Variants in NFIB observed in about 807,000 individuals in gnomAD.
NFIB encodes nuclear factor I B, also known as nuclear factor 1 B-type.
Under a neutral mutation model 61.5 loss-of-function variants are expected in NFIB, and 11 were observed. That is an observed-to-expected ratio of 0.18 (90% CI 0.11 to 0.30). The LOEUF (loss-of-function observed/expected upper bound fraction) is 0.30, where lower values mean the gene tolerates loss of function less well. Ranked by LOEUF, NFIB falls within the 10% of genes least tolerant of loss-of-function variation. The pLI is 1.00. For missense variants in NFIB, 471 were observed against 608.9 expected, an observed-to-expected ratio of 0.77 and a Z score of 2.38; for synonymous variants, 260 against 216.5, an observed-to-expected ratio of 1.20 and a Z score of -1.76.
At chr9:14,276,976 T>C (rs912193765) in intron 2 of NFIB, among the ~76,000 whole-genome samples, 6 of 152,108 alleles carry the variant, frequency 3.9e-5, no homozygotes, top group Non-Finnish European at 1.5e-5. Flanking sequence ...AATTTCTTCA[T>C]GGTGCTACGA....
In NFIB at chr9:14,313,412, T is replaced by A; in HGVS notation, c.30+70A>T. 1 of 1,607,862 alleles carries A rather than the reference T, an allele frequency of 6.2e-7. No homozygotes were observed. The highest frequency in any genetic ancestry group is 8.5e-7 in the Non-Finnish European group (1 of 1,175,584). ...GGAGGTTAACTCAAGCCGCTAATTGTCCGCAACAAAACAAAACAAAGGCAT... is the reference window on the plus strand; with the variant it reads ...GGAGGTTAACTCAAGCCGCTAATTGACCGCAACAAAACAAAACAAAGGCAT... On this transcript the variant is annotated intron_variant, in intron 1 of 10. Coordinates refer to ENST00000380953, the MANE Select transcript of NFIB (RefSeq NM_001190737.2). This position sits in a 1 kb window ranked among gnomAD's most constrained non-coding sequence, Gnocchi z 4.5.
chr9:14,531,807 G>A, the NFIB span: 1 of 152,164 alleles, frequency 6.6e-6, no homozygotes, highest in African/African-American at 2.4e-5. Context: ...GCACCCCAGG[G>A]TCCCAAAACT....
intron 2 of NFIB, among the ~76,000 whole-genome samples, chr9:14,269,594 C>T (rs2057453507): frequency 6.6e-6 from 1 of 152,218 alleles, no homozygotes. Flanking sequence ...CAGCAATGCA[C>T]TGCACACATA....
intron 1 of NFIB, among the ~76,000 whole-genome samples, chr9:14,382,896 A>G (rs368758012): frequency 1.2e-4 from 19 of 152,306 alleles, no homozygotes; most frequent in African/African-American, 4.1e-4. Context: ...GCTTTTGCAG[A>G]AAAAACCATC....
chr9:14,159,960 T>C (rs1301294839), intron 3 of NFIB, among the ~76,000 whole-genome samples: 1 of 152,192 alleles, frequency 6.6e-6, no homozygotes, highest in African/African-American at 2.4e-5. Context: ...GAGACATTCA[T>C]ATAGTAAATT....
the NFIB span, among the ~76,000 whole-genome samples, chr9:14,493,253 T>C: frequency 0.15 from 22,191 of 152,210 alleles, 2,098 homozygotes; most frequent in Middle Eastern, 0.26. Flanking sequence ...TCAGGAGATA[T>C]TGTCATGATT....
the NFIB span, among the ~76,000 whole-genome samples, chr9:14,441,612 C>A: frequency 6.6e-6 from 1 of 151,416 alleles, no homozygotes; most frequent in Non-Finnish European, 1.5e-5. Context: ...TTTTTTCCTG[C>A]CTGTCATCTA....
At chr9:14,094,568 T>G (rs1289578183) in intron 10 of NFIB, 1 of 152,498 alleles carries the variant, frequency 6.6e-6, no homozygotes, top group African/African-American at 2.4e-5. Context: ...CCTCTTTGCA[T>G]GCAAGATGAT....
At chr9:14,521,756 A>C in the NFIB span, among the ~76,000 whole-genome samples, 1 of 152,230 alleles carries the variant, frequency 6.6e-6, no homozygotes, top group African/African-American at 2.4e-5. Context: ...TTACATTAGC[A>C]ATCACTCAGT....
intron 1 of NFIB, chr9:14,321,794 G>T: frequency 2.0e-6 from 2 of 1,023,840 alleles, no homozygotes; most frequent in Non-Finnish European, 2.5e-6. Context: ...CCCACAACCT[G>T]TAAAACAAAA....
chr9:14,435,372 A>G, the NFIB span, among the ~76,000 whole-genome samples: 2 of 152,270 alleles, frequency 1.3e-5, no homozygotes, highest in African/African-American at 4.8e-5. Context: ...AGATCAACTC[A>G]TAGCATACAA....
At chr9:14,244,714 G>C (rs940850192) in intron 2 of NFIB, among the ~76,000 whole-genome samples, 9 of 152,054 alleles carry the variant, frequency 5.9e-5, no homozygotes, top group African/African-American at 2.2e-4. Context: ...AAAGATAATA[G>C]GCTCAAAGTT....
the NFIB span, among the ~76,000 whole-genome samples, chr9:14,414,797 G>A: frequency 6.1e-4 from 93 of 152,088 alleles, no homozygotes; most frequent in African/African-American, 2.4e-4. Context: ...ATATTTACAA[G>A]TATATAAATA....
chr9:14,163,791 G>A (rs1204430779), intron 3 of NFIB, among the ~76,000 whole-genome samples: 4 of 151,626 alleles, frequency 2.6e-5, no homozygotes, highest in African/African-American at 9.7e-5. Flanking sequence ...TAAAAACATC[G>A]ATCATGTTTT....
At chr9:14,102,138 T>A (rs971642424) in intron 10 of NFIB, among the ~76,000 whole-genome samples, 2 of 152,138 alleles carry the variant, frequency 1.3e-5, no homozygotes, top group Non-Finnish European at 2.9e-5. Flanking sequence ...AAAATCTAAA[T>A]GTCACATTCC....
At chr9:14,207,519 C>T (rs1041349507) in intron 2 of NFIB, among the ~76,000 whole-genome samples, 3 of 152,210 alleles carry the variant, frequency 2.0e-5, no homozygotes, top group African/African-American at 7.2e-5. Context: ...AGGACTAAGT[C>T]AGTGCATGCT....
At chr9:14,463,133 CAT>C in the NFIB span, among the ~76,000 whole-genome samples, 2 of 119,478 alleles carry the variant, frequency 1.7e-5, no homozygotes, top group Non-Finnish European at 3.4e-5. Flanking sequence ...ATAATTAAAT[CAT>C]AAAATAATTA....
At chr9:14,495,404 C>T in the NFIB span, among the ~76,000 whole-genome samples, 5 of 150,240 alleles carry the variant, frequency 3.3e-5, no homozygotes, top group Admixed American at 3.3e-4. Flanking sequence ...CGTGCTTTTG[C>T]CATCACCACA....
intron 9 of NFIB, among the ~76,000 whole-genome samples, chr9:14,114,471 G>C (rs1383888365): frequency 3.3e-5 from 5 of 152,126 alleles, no homozygotes; most frequent in Non-Finnish European, 1.5e-5. Context: ...ATTACTGGTG[G>C]TGCCTAAGAA....
Sources: allele counts gnomAD v4.1 joint callset (sites outside exome capture counted in the v4.1 genomes callset), GRCh38; gene constraint gnomAD v4.1.1; non-coding constraint Gnocchi (gnomAD v3.1); transcripts MANE v1.5; gene names NCBI Gene and HGNC (gene_info 2026-07-23, HGNC 2026-07-21).